Variants in PTGER3 observed in about 807,000 individuals in gnomAD.
PTGER3 encodes prostaglandin E2 receptor EP3 subtype.
Under a neutral mutation model 34.7 loss-of-function variants are expected in PTGER3, and 22 were observed. That is an observed-to-expected ratio of 0.63 (90% CI 0.45 to 0.91). The LOEUF (loss-of-function observed/expected upper bound fraction) is 0.91, where lower values mean the gene tolerates loss of function less well. Ranked by LOEUF, PTGER3 falls within the 40% of genes least tolerant of loss-of-function variation. The pLI is 0.00. For missense variants in PTGER3, 468 were observed against 519.4 expected (o/e 0.90, Z 0.96); for synonymous variants, 241 against 230.1 (o/e 1.05, Z -0.43).
intron 4 of PTGER3, among the ~76,000 whole-genome samples, chr1:70,945,548 G>GT (rs201964465): frequency 0.011 from 1,688 of 151,918 alleles, 31 homozygotes; most frequent in African/African-American, 0.039. Context: ...CACAGGTAAA[G>GT]TTTTTTTTAT....
intron 2 of PTGER3, among the ~76,000 whole-genome samples, chr1:70,957,753 T>C (rs1287171460): frequency 6.6e-6 from 1 of 152,182 alleles, no homozygotes; most frequent in Non-Finnish European, 1.5e-5. Context: ...AATGTTATTT[T>C]TCTATAGTCA....
intron 1 of PTGER3, among the ~76,000 whole-genome samples, chr1:71,031,168 T>C (rs1420054160): frequency 6.6e-6 from 1 of 152,068 alleles, no homozygotes; most frequent in Non-Finnish European, 1.5e-5. Context: ...AGTCCTTTTA[T>C]TTTTTGTGGC....
intron 1 of PTGER3, among the ~76,000 whole-genome samples, chr1:71,037,708 C>T (rs748007710): frequency 6.6e-4 from 100 of 152,114 alleles, no homozygotes; most frequent in Non-Finnish European, 1.3e-3. Flanking sequence ...TTTATCTTAC[C>T]GGTTAGAAAA....
chr1:70,953,842 C>G, intron 2 of PTGER3: 1 of 857,390 alleles, frequency 1.2e-6, no homozygotes, highest in South Asian at 2.0e-5. Context: ...ATGCAAAGTT[C>G]CTAGAAGGAT....
chr1:71,004,745 T>C (rs528933694), intron 2 of PTGER3, among the ~76,000 whole-genome samples: 3 of 152,226 alleles, frequency 2.0e-5, no homozygotes, highest in Non-Finnish European at 4.4e-5. Context: ...AGAAAGATGA[T>C]ACTTTCTAAG....
Position 70,974,371 on chromosome 1 carries a change from G to A in PTGER3, c.1095C>T (p.Asn365=). 1.9e-6 allele frequency: 2 copies of A among 1,064,080 alleles called. No individual in the cohort carries two copies. Among genetic ancestry groups the A allele is most frequent in the Non-Finnish European group, 3.0e-6 (2 of 677,602 alleles). The allele number at this position is 1,064,080 out of a possible 1,614,324, so 65.9% of individuals were successfully genotyped here. ...AGGAGGTGGAGCTGGATGCATAGTTGTTTGTGTGGTACCTGATCTGTGAAC... is the reference window on the plus strand; with the variant it reads ...AGGAGGTGGAGCTGGATGCATAGTTATTTGTGTGGTACCTGATCTGTGAAC... ...RKFCQIRYHT[N]NYASSSTSLP... Residue 365 remains asparagine (N), a synonymous_variant, in exon 3 of 4, where the codon AAC becomes AAT. Transcript: ENST00000306666.
intron 4 of PTGER3, among the ~76,000 whole-genome samples, chr1:70,900,964 A>G (rs1572594935): frequency 1.3e-5 from 2 of 152,186 alleles, no homozygotes; most frequent in Non-Finnish European, 2.9e-5. Flanking sequence ...TCTTAGACAT[A>G]CTGCAAGGGT....
rs183016442 is a variant in PTGER3, at chr1:70,978,039, C to T, written c.1078-3651G>A. On this transcript the variant is annotated intron_variant, in intron 2 of 3. Coordinates refer to ENST00000306666, the MANE Select transcript of PTGER3 (RefSeq NM_198719.2). ...TCTTATCATCTTCACTTGAGATATG[C>T]AGAAACTGAAGCATAGATAGGTAAA... 2.8e-4 allele frequency among the ~76,000 whole-genome samples: 42 copies of T among 152,196 alleles called. 1 individual carries two copies. In the East Asian group the frequency reaches 7.7e-3, roughly 28 times the overall value.
At chr1:70,967,920 C>A (rs1468239408), downstream of PTGER3, among the ~76,000 whole-genome samples, 1 of 152,150 alleles carries the variant, frequency 6.6e-6, no homozygotes. Flanking sequence ...CTACTTTTCT[C>A]TTCCCTCCTT....
At chr1:70,985,935 A>G (rs1226339682) in intron 2 of PTGER3, among the ~76,000 whole-genome samples, 1 of 152,214 alleles carries the variant, frequency 6.6e-6, no homozygotes, top group Non-Finnish European at 1.5e-5. Context: ...ACTGGGCTGC[A>G]TTCCCAGATG....
At chr1:70,950,796 T>G (rs1321194947), downstream of PTGER3, 1 of 152,128 alleles carries the variant, frequency 6.6e-6, no homozygotes, top group Non-Finnish European at 1.5e-5. Flanking sequence ...CCTTCCAGGT[T>G]CAAGCGATTC....
chr1:71,010,197 A>G, intron 2 of PTGER3: 2 of 984,740 alleles, frequency 2.0e-6, no homozygotes, highest in Non-Finnish European at 2.4e-6. Flanking sequence ...AATGTCCACT[A>G]TCATTTGGAA....
chr1:71,033,690 G>A (rs1016604799), intron 1 of PTGER3, among the ~76,000 whole-genome samples: 2 of 152,106 alleles, frequency 1.3e-5, no homozygotes, highest in Admixed American at 6.6e-5. Flanking sequence ...AATTAAAGAT[G>A]GAAAATGCTG....
intron 2 of PTGER3, among the ~76,000 whole-genome samples, chr1:70,981,982 C>G (rs191445956): frequency 2.0e-5 from 3 of 152,204 alleles, no homozygotes; most frequent in African/African-American, 7.2e-5. Flanking sequence ...AATTTTCTTT[C>G]AAGGGCAAGT....
chr1:70,887,913 T>A (rs1303356459), intron 4 of PTGER3, among the ~76,000 whole-genome samples: 1 of 151,568 alleles, frequency 6.6e-6, no homozygotes, highest in African/African-American at 2.4e-5. Context: ...TCTATTTAGA[T>A]CTTTCTGAGT....
chr1:70,917,883 A>T (rs1485692511), intron 4 of PTGER3, among the ~76,000 whole-genome samples: 2 of 152,028 alleles, frequency 1.3e-5, no homozygotes, highest in African/African-American at 2.4e-5. Flanking sequence ...TGCCAATTTT[A>T]AAAATGGAAT....
chr1:70,987,761 A>G lies in PTGER3; in HGVS notation c.1078-13373T>C, dbSNP rs183375420. 3.5e-4 allele frequency among the ~76,000 whole-genome samples: 53 copies of G among 152,318 alleles called. 1 individual carries two copies. The East Asian group carries it at 0.01, about 29-fold the overall frequency. On this transcript the variant is annotated intron_variant, in intron 2 of 3. Coordinates refer to ENST00000306666, the MANE Select transcript of PTGER3 (RefSeq NM_198719.2). Reference sequence around the variant, plus strand: ...TCCCAGCTAGTGTGACACTGCCATAAGAATAATGATTGGATACTAGCAGAA... The same window carrying G: ...TCCCAGCTAGTGTGACACTGCCATAGGAATAATGATTGGATACTAGCAGAA...
chr1:70,904,086 G>A (rs531650634), intron 4 of PTGER3, among the ~76,000 whole-genome samples: 108 of 112,858 alleles, frequency 9.6e-4, no homozygotes, highest in Admixed American at 3.3e-3. Context: ...CATGAGATCT[G>A]ATGGTTTTAA....
At chr1:70,935,225 C>T (rs1649097352) in intron 4 of PTGER3, among the ~76,000 whole-genome samples, 1 of 152,154 alleles carries the variant, frequency 6.6e-6, no homozygotes, top group Non-Finnish European at 1.5e-5. Context: ...AGAAAGTTCT[C>T]ATTGTCAATG....
Sources: gnomAD v4.1 joint callset for allele counts (sites outside exome capture counted in the v4.1 genomes callset) on GRCh38, gnomAD v4.1.1 for gene constraint, MANE v1.5 for transcripts, NCBI Gene and HGNC (gene_info 2026-07-23, HGNC 2026-07-21) for gene names.